CLSTN2: variants seen among roughly 807,000 people sequenced by gnomAD.
CLSTN2 encodes the protein calsyntenin-2.
CLSTN2 carries 48 observed loss-of-function variants against 101.2 expected under a neutral mutation model. That is an observed-to-expected ratio of 0.47 (90% confidence interval 0.38 to 0.60). The LOEUF (loss-of-function observed/expected upper bound fraction) is 0.60. CLSTN2 is among the 20% of genes least tolerant of loss of function. The probability of loss-of-function intolerance (pLI) is 0.00; values close to 1 mark genes in which losing one functional copy is unlikely to be tolerated. For missense variants in CLSTN2, 1,160 were observed against 1,238.2 expected (o/e 0.94, Z 0.95); for synonymous variants, 481 against 463.6 (o/e 1.04, Z -0.48).
intron 1 of CLSTN2, among the ~76,000 whole-genome samples, chr3:140,101,794 G>A (rs1029958844): frequency 1.3e-5 from 2 of 152,156 alleles, no homozygotes; most frequent in Admixed American, 6.5e-5. Context: ...AAGGGAAGGG[G>A]AGGAAACGAT....
chr3:140,144,286 T>C (rs6767558), intron 1 of CLSTN2, among the ~76,000 whole-genome samples: 25,559 of 152,092 alleles, frequency 0.17, 6,469 homozygotes, highest in African/African-American at 0.55. Flanking sequence ...CCCTAGAAGA[T>C]TGCAGACTTA....
At chr3:140,248,647 C>T (rs189808867) in intron 2 of CLSTN2, among the ~76,000 whole-genome samples, 1 of 152,260 alleles carries the variant, frequency 6.6e-6, no homozygotes, top group Non-Finnish European at 1.5e-5. Context: ...GATCCACAGG[C>T]GTGGAGGCCT....
At chr3:140,271,626 T>G (rs2086742787) in intron 2 of CLSTN2, among the ~76,000 whole-genome samples, 1 of 152,140 alleles carries the variant, frequency 6.6e-6, no homozygotes, top group Non-Finnish European at 1.5e-5. Flanking sequence ...CTAATCCCAT[T>G]CAGAAGGACC....
chr3:140,451,407 A>T (rs1576574845), intron 6 of CLSTN2, among the ~76,000 whole-genome samples: 2 of 152,276 alleles, frequency 1.3e-5, no homozygotes, highest in East Asian at 3.9e-4. Flanking sequence ...CGTTTCCCCC[A>T]AGGTGTGGAC....
rs190023061 is a variant in CLSTN2 at position 140,442,062 on chromosome 3, C to A, written c.788-6457C>A. On this transcript the variant is annotated intron_variant, in intron 5 of 16. Coordinates refer to ENST00000458420, the MANE Select transcript of CLSTN2 (RefSeq NM_022131.3). ...CTTCTAGTCCAGCATTCCTCTCATT[C>A]TGCAATGCTATATTAACCATGCCTT... is the stretch of plus-strand genomic sequence containing the variant. 1.0e-3 allele frequency among the ~76,000 whole-genome samples: 157 copies of A among 152,266 alleles called. 1 individual carries two copies. Among genetic ancestry groups the A allele is most frequent in the African/African-American group, 3.6e-3 (150 of 41,546 alleles).
intron 8 of CLSTN2, among the ~76,000 whole-genome samples, chr3:140,474,437 C>T (rs1002300952): frequency 2.0e-5 from 3 of 152,178 alleles, no homozygotes; most frequent in Non-Finnish European, 4.4e-5. Context: ...CTAGGATCCC[C>T]ATGGAGCAGA....
intron 2 of CLSTN2, among the ~76,000 whole-genome samples, chr3:140,236,638 C>T (rs894540195): frequency 5.3e-5 from 8 of 152,020 alleles, no homozygotes; most frequent in Non-Finnish European, 1.0e-4. Context: ...CATAGCTCAC[C>T]GATGCTCTAT....
chr3:140,278,161 A>C (rs1246483157), intron 2 of CLSTN2, among the ~76,000 whole-genome samples: 1 of 152,178 alleles, frequency 6.6e-6, no homozygotes, highest in East Asian at 1.9e-4. Context: ...AAGACTGAGC[A>C]CTCAAAATTG....
intron 2 of CLSTN2, among the ~76,000 whole-genome samples, chr3:140,365,641 A>G (rs964188709): frequency 1.7e-4 from 26 of 151,936 alleles, no homozygotes; most frequent in African/African-American, 6.0e-4. Context: ...CAGATGGTAA[A>G]TGGTGGTGCC....
At chr3:140,049,302 A>T (rs1478971575) in intron 1 of CLSTN2, among the ~76,000 whole-genome samples, 1 of 152,154 alleles carries the variant, frequency 6.6e-6, no homozygotes, top group Non-Finnish European at 1.5e-5. Context: ...AAATCAAGAA[A>T]ACCATCTTTT....
chr3:140,007,618 C>T (rs1389084016), intron 1 of CLSTN2, among the ~76,000 whole-genome samples: 2 of 152,192 alleles, frequency 1.3e-5, no homozygotes, highest in African/African-American at 4.8e-5. Flanking sequence ...ATTCCATCCA[C>T]CATCCCACTC....
intron 1 of CLSTN2, among the ~76,000 whole-genome samples, chr3:140,008,652 A>G (rs2007009094): frequency 6.6e-6 from 1 of 152,270 alleles, no homozygotes; most frequent in Non-Finnish European, 1.5e-5. Context: ...CTTTGCCTCC[A>G]TCAGGGCTTC....
chr3:140,223,616 G>A, intron 2 of CLSTN2, among the ~76,000 whole-genome samples: 1 of 152,120 alleles, frequency 6.6e-6, no homozygotes, highest in East Asian at 1.9e-4. Context: ...TGCAATGCCG[G>A]GTAGATGTCT....
chr3:140,556,067 C>A (rs6439933), intron 10 of CLSTN2, among the ~76,000 whole-genome samples: 1 of 152,080 alleles, frequency 6.6e-6, no homozygotes, highest in South Asian at 2.1e-4. Flanking sequence ...TAAGAAGATA[C>A]GGCATGGGTC....
intron 2 of CLSTN2, among the ~76,000 whole-genome samples, chr3:140,235,108 G>T (rs2086405140): frequency 6.6e-6 from 1 of 152,200 alleles, no homozygotes; most frequent in South Asian, 2.1e-4. Flanking sequence ...ATTTTTCAAG[G>T]TGGTTATGAG....
chr3:140,509,761 C>T (rs1189309183), intron 8 of CLSTN2, among the ~76,000 whole-genome samples: 1 of 152,316 alleles, frequency 6.6e-6, no homozygotes, highest in Admixed American at 6.5e-5. Flanking sequence ...CTGCCCTAAC[C>T]TCTGGTTCTC....
chr3:140,387,280 A>T (rs1490504765), intron 2 of CLSTN2, among the ~76,000 whole-genome samples: 1 of 152,180 alleles, frequency 6.6e-6, no homozygotes, highest in East Asian at 1.9e-4. Flanking sequence ...GATTGTGTTT[A>T]TGCTGGATTT....
Position 140,278,838 on chromosome 3 carries a change from T to A in CLSTN2, c.232+102765T>A, listed in dbSNP as rs192389903. Among the ~76,000 whole-genome samples the A allele has an allele frequency of 2.9e-3, 445 of 152,204 alleles. 2 individuals are homozygous for A. The highest frequency in any genetic ancestry group is 4.7e-3 in the Non-Finnish European group (319 of 67,984). ...GGGCTGAAGCGATCTTCCCACCTCA[T>A]CCTTCTGAGTAGCTGAGACTACAAG... On this transcript the variant is annotated intron_variant, in intron 2 of 16. Transcript: ENST00000458420.
At chr3:140,253,292 G>A (rs1345186743) in intron 2 of CLSTN2, among the ~76,000 whole-genome samples, 2 of 152,064 alleles carry the variant, frequency 1.3e-5, no homozygotes, top group African/African-American at 2.4e-5. Flanking sequence ...GTCCTGCTGC[G>A]GTCACTGCCA....
Sources: allele counts gnomAD v4.1 joint callset (sites outside exome capture counted in the v4.1 genomes callset), GRCh38; gene constraint gnomAD v4.1.1; transcripts MANE v1.5; gene names NCBI Gene and HGNC (gene_info 2026-07-23, HGNC 2026-07-21).